Variants in NOS1 observed in about 807,000 individuals in gnomAD.
NOS1 encodes the protein nitric oxide synthase 1.
Under a neutral mutation model 164.5 loss-of-function variants are expected in NOS1, and 51 were observed. The ratio of observed to expected loss-of-function variants is 0.31; its 90% CI spans 0.25 to 0.39. The LOEUF is 0.39. Among genes scored for constraint, NOS1 ranks in the 10% least tolerant of loss-of-function variants. The pLI, the probability that NOS1 is intolerant of heterozygous loss-of-function variation, is 1.00. For missense variants in NOS1, 1,362 were observed against 1,885.6 expected (o/e 0.72, Z 5.14); for synonymous variants, 719 against 745.8 (o/e 0.96, Z 0.59).
At chr12:117,218,025 C>A in intron 28 of NOS1, 21 bp downstream of exon 28, 1 of 1,555,856 alleles carries the variant, frequency 6.4e-7, no homozygotes, top group Non-Finnish European at 8.9e-7. Context: ...TGCCCCTCAC[C>A]CAGGGATGGA....
chr12:117,294,075 CAAAT>C (rs1257225643), intron 3 of NOS1, among the ~76,000 whole-genome samples: 4 of 152,094 alleles, frequency 2.6e-5, no homozygotes, highest in African/African-American at 9.7e-5. Flanking sequence ...AGAAAAAAAA[CAAAT>C]AATCCTACCT....
intron 20 of NOS1, among the ~76,000 whole-genome samples, chr12:117,237,791 G>A (rs1343399650): frequency 6.6e-6 from 1 of 152,168 alleles, no homozygotes; most frequent in Non-Finnish European, 1.5e-5. Flanking sequence ...CATGTGTCAG[G>A]CACTGTTCTA....
rs114603827 is a variant in NOS1, at chr12:117,297,404, T to C, written c.853-6978A>G. On this transcript the variant is annotated intron_variant, in intron 3 of 28. Transcript: ENST00000317775. ...GGTAAGTGGAAGGATGGTGGGCTTTTTTTTGAGATAGAGTTTTGCTCTTGT... is the reference window on the plus strand; with the variant it reads ...GGTAAGTGGAAGGATGGTGGGCTTTCTTTTGAGATAGAGTTTTGCTCTTGT... 2.4e-3 allele frequency among the ~76,000 whole-genome samples: 373 copies of C among 152,272 alleles called. 1 individual carries two copies. Among genetic ancestry groups the C allele is most frequent in the African/African-American group, 8.5e-3 (353 of 41,544 alleles).
intron 12 of NOS1, among the ~76,000 whole-genome samples, chr12:117,264,490 CTCTT>C (rs1350234069): frequency 3.5e-4 from 52 of 149,812 alleles, no homozygotes; most frequent in Middle Eastern, 3.4e-3. Flanking sequence ...TCCTTTCTTT[CTCTT>C]TCTTTCTCTC....
chr12:117,260,330 A>G, intron 14 of NOS1, 135 bp downstream of exon 14: 2 of 852,626 alleles, frequency 2.3e-6, no homozygotes, highest in African/African-American at 3.4e-5. Context: ...GCAAATGTGT[A>G]TGTGAGCTGA....
At chr12:117,322,984 T>C (rs1382053752) in intron 2 of NOS1, among the ~76,000 whole-genome samples, 3 of 151,962 alleles carry the variant, frequency 2.0e-5, no homozygotes, top group Non-Finnish European at 4.4e-5. Context: ...GGTGCTTAAA[T>C]GGTGAGACCA....
chr12:117,350,957 C>T (rs566759832), intron 1 of NOS1, among the ~76,000 whole-genome samples: 9 of 151,960 alleles, frequency 5.9e-5, no homozygotes, highest in Non-Finnish European at 1.0e-4. Flanking sequence ...ACTAAAAATA[C>T]AAAAAAATTA....
At chr12:117,320,713 C>T (rs1020866388) in intron 2 of NOS1, among the ~76,000 whole-genome samples, 5 of 152,114 alleles carry the variant, frequency 3.3e-5, no homozygotes, top group African/African-American at 9.7e-5. Flanking sequence ...GCCTCACTGC[C>T]CACCACTCTC....
At position 117,226,674 on chromosome 12, in the gene NOS1, A is replaced by G. The variant is rs1308932939; in HGVS notation, c.3704+9T>C. 6.2e-7 allele frequency: 1 copy of G among 1,612,896 alleles called. No individual in the cohort carries two copies. The highest frequency in any genetic ancestry group is 1.7e-4 in the Middle Eastern group (1 of 6,058). ...GATGATTGCTCATTTTTCTCCACTTATTACTCACCCTCTCACGAAACAGGG... is the reference window on the plus strand; with the variant it reads ...GATGATTGCTCATTTTTCTCCACTTGTTACTCACCCTCTCACGAAACAGGG... On this transcript the variant is annotated intron_variant, in intron 24 of 28. Transcript: ENST00000317775.
chr12:117,334,674 C>T lies in NOS1; in HGVS notation c.-420-3185G>A, dbSNP rs140837874. Among the ~76,000 whole-genome samples the T allele has an allele frequency of 8.9e-3, 1,352 of 152,238 alleles. 20 individuals are homozygous for T. Among genetic ancestry groups the T allele is most frequent in the African/African-American group, 0.031 (1,278 of 41,552 alleles). The stretch of plus-strand genomic sequence containing the variant: ...CCTCCCAAAGTGCTGGGATTACAGG[C>T]GTGAGCCATTGCACCTGGCCGTCAA... On this transcript the variant is annotated intron_variant, in intron 1 of 28. Coordinates refer to ENST00000317775, the MANE Select transcript of NOS1 (RefSeq NM_000620.5).
chr12:117,215,277 A>T lies in NOS1; in HGVS notation c.*32T>A, dbSNP rs1159020347. 4 of 1,545,456 alleles carry T rather than the reference A, an allele frequency of 2.6e-6. No individual in the cohort carries two copies. The highest frequency in any genetic ancestry group is 3.5e-6 in the Non-Finnish European group (4 of 1,145,418). ...TCAGCAGTGTCTGTCCGCGCTTACAAAACTTGCAGCCGGCTGGGCAAGAGG... is the reference window on the plus strand; with the variant it reads ...TCAGCAGTGTCTGTCCGCGCTTACATAACTTGCAGCCGGCTGGGCAAGAGG... On this transcript the variant is annotated 3_prime_UTR_variant, in exon 29 of 29. Coordinates refer to ENST00000317775, the MANE Select transcript of NOS1 (RefSeq NM_000620.5).
At chr12:117,218,353 G>A (rs1956644306) in intron 27 of NOS1, among the ~76,000 whole-genome samples, 189 bp from the exon 28 acceptor site, 1 of 152,110 alleles carries the variant, frequency 6.6e-6, no homozygotes, top group Admixed American at 6.6e-5. Flanking sequence ...CTGTTCTCTG[G>A]GACGTGGGGC....
At position 117,280,794 on chromosome 12, in the gene NOS1, G is replaced by A. The variant is rs373672725; in HGVS notation, c.1455C>T (p.Ile485=). 2.5e-6 allele frequency: 4 copies of A among 1,614,108 alleles called. No homozygotes were observed. Among genetic ancestry groups the A allele is most frequent in the Non-Finnish European group, 8.5e-7 (1 of 1,180,050 alleles). ...HDFRVWNSQL[I]RYAGYKQPDG... ...CAGGCTGCTTGTAGCCAGCGTAGCGGATGAGCTGGGAGTTCCAGACTCGGA... is the reference window on the plus strand; with the variant it reads ...CAGGCTGCTTGTAGCCAGCGTAGCGAATGAGCTGGGAGTTCCAGACTCGGA... Residue 485 remains isoleucine, a synonymous_variant, in exon 8 of 29, where the codon ATC becomes ATT. Coordinates refer to ENST00000317775, the MANE Select transcript of NOS1 (RefSeq NM_000620.5).
intron 1 of NOS1, among the ~76,000 whole-genome samples, chr12:117,332,041 A>G (rs563071610): frequency 1.3e-5 from 2 of 152,312 alleles, no homozygotes; most frequent in South Asian, 2.1e-4. Context: ...AGCTTGTTCC[A>G]TGTTCAAAAG....
intron 1 of NOS1, among the ~76,000 whole-genome samples, chr12:117,337,104 C>CTATTTTTTT (rs1566082153): frequency 3.2e-5 from 3 of 94,074 alleles, no homozygotes. Flanking sequence ...CTGCTTTTTA[C>CTATTTTTTT]TCTTTTTTTT....
chr12:117,214,076 G>A lies in NOS1; in HGVS notation c.*1233C>T. On this transcript the variant is annotated 3_prime_UTR_variant, in exon 29 of 29. Coordinates refer to ENST00000317775, the MANE Select transcript of NOS1 (RefSeq NM_000620.5). ...ACAAGTTCTTCCCACCCCAAGTTGT[G>A]GCTCCTATCGAAGAAGCCACGTGGG... The A allele has an allele frequency of 3.0e-6, 3 of 985,366 alleles. No individual in the cohort carries two copies. Among genetic ancestry groups the A allele is most frequent in the Non-Finnish European group, 3.6e-6 (3 of 829,918 alleles). 61.0% of individuals were successfully genotyped at this position (985,366 alleles called of 1,614,324 possible). A position where few individuals can be genotyped will look rare whatever the true frequency, so the allele number is the denominator to read the frequency against.
chr12:117,249,699 T>C (rs142529745), intron 17 of NOS1, among the ~76,000 whole-genome samples: 10 of 152,246 alleles, frequency 6.6e-5, no homozygotes, highest in East Asian at 3.9e-4. Context: ...CAAGAAAATA[T>C]TGGTGCTTGA....
At chr12:117,286,566 G>C (rs916149506) in intron 5 of NOS1, among the ~76,000 whole-genome samples, 1 of 152,262 alleles carries the variant, frequency 6.6e-6, no homozygotes, top group East Asian at 1.9e-4. Context: ...CACCTGACAG[G>C]AGTGGGGACC....
intron 1 of NOS1, among the ~76,000 whole-genome samples, chr12:117,341,085 T>C (rs1484969879): frequency 6.6e-6 from 1 of 152,024 alleles, no homozygotes; most frequent in Non-Finnish European, 1.5e-5. Flanking sequence ...GCCCAGGAAA[T>C]GGATCCTTTT....
Sources: gnomAD v4.1 joint callset for allele counts (sites outside exome capture counted in the v4.1 genomes callset) on GRCh38, gnomAD v4.1.1 for gene constraint, MANE v1.5 for transcripts, NCBI Gene and HGNC (gene_info 2026-07-23, HGNC 2026-07-21) for gene names.